The following PSTPIP2 variants were observed in gnomAD, a reference collection of about 807,000 sequenced individuals.
PSTPIP2 encodes proline-serine-threonine phosphatase-interacting protein 2.
A neutral mutation model predicts 63.3 loss-of-function variants in PSTPIP2; 33 were observed. The observed-to-expected ratio is 0.52, with a 90% CI of 0.40 to 0.70. The LOEUF is 0.70. PSTPIP2 is among the 30% of genes least tolerant of loss of function. The probability of loss-of-function intolerance (pLI) is 0.00; values close to 1 mark genes in which losing one functional copy is unlikely to be tolerated. For missense variants in PSTPIP2, 312 were observed against 400.7 expected, an observed-to-expected ratio of 0.78 and a Z score of 1.89; for synonymous variants, 125 against 132.7, an observed-to-expected ratio of 0.94 and a Z score of 0.40.
At chr18:46,008,201 A>G (rs2051752360) in intron 5 of PSTPIP2, among the ~76,000 whole-genome samples, 1 of 152,232 alleles carries the variant, frequency 6.6e-6, no homozygotes, top group Non-Finnish European at 1.5e-5. Flanking sequence ...CAAGAGAGGG[A>G]GAAAGGAAGA....
intron 2 of PSTPIP2, chr18:46,028,963 C>G (rs1051745157): frequency 1.8e-6 from 2 of 1,101,502 alleles, no homozygotes; most frequent in African/African-American, 3.1e-5. Flanking sequence ...TTCTGCTGCT[C>G]AGATCTCATC....
intron 4 of PSTPIP2, among the ~76,000 whole-genome samples, chr18:46,013,542 A>T (rs1268402820): frequency 1.3e-5 from 2 of 151,970 alleles, no homozygotes; most frequent in Non-Finnish European, 2.9e-5. Context: ...CTCACCCTGG[A>T]TCGCCCAACT....
In PSTPIP2 at chr18:45,985,472, A is replaced by G. The variant is rs199958472; in HGVS notation, c.*9-22T>C. On this transcript the variant is annotated intron_variant, in intron 14 of 14. Coordinates refer to ENST00000409746, the MANE Select transcript of PSTPIP2 (RefSeq NM_024430.4). ...GTTTCTGAAAGAAAATAACAAAGAA[A>G]TTTCCTCTGAATGAAAGGTGCTTGT... is the stretch of plus-strand genomic sequence containing the variant. 2,365 of 1,611,648 alleles carry G rather than the reference A, an allele frequency of 1.5e-3. 7 individuals are homozygous for G. The highest frequency in any genetic ancestry group is 1.9e-3 in the Non-Finnish European group (2,190 of 1,178,418).
At chr18:46,057,766 G>C (rs966929101) in intron 1 of PSTPIP2, among the ~76,000 whole-genome samples, 2 of 152,118 alleles carry the variant, frequency 1.3e-5, no homozygotes, top group African/African-American at 4.8e-5. Flanking sequence ...GGGAGGCCGA[G>C]GCAGGCGGAT....
At position 45,998,820 on chromosome 18, in the gene PSTPIP2, G is replaced by C; in HGVS notation, c.536C>G (p.Thr179Ser). Residue 179 changes from threonine to serine, a missense_variant, in exon 8 of 15, where the codon ACT becomes AGT. Coordinates refer to ENST00000409746, the MANE Select transcript of PSTPIP2 (RefSeq NM_024430.4). ...QQEKLFVKLA[T>S]SKTAVEDSDK... ...TGAGTCCTCTACTGCGGTCTTTGAA[G>C]TTGCCAGTTTCACAAAAAGCTGTGA... The C allele has an allele frequency of 6.2e-7, 1 of 1,613,866 alleles. No individual in the cohort carries two copies. Among genetic ancestry groups the C allele is most frequent in the Non-Finnish European group, 8.5e-7 (1 of 1,180,028 alleles).
At chr18:46,064,792 C>T (rs1239854307) in intron 1 of PSTPIP2, among the ~76,000 whole-genome samples, 1 of 151,998 alleles carries the variant, frequency 6.6e-6, no homozygotes, top group African/African-American at 2.4e-5. Flanking sequence ...GAAATAGATA[C>T]TTAAAGAATC....
At chr18:46,068,946 G>A (rs1909294468) in intron 1 of PSTPIP2, among the ~76,000 whole-genome samples, 1 of 152,152 alleles carries the variant, frequency 6.6e-6, no homozygotes, top group African/African-American at 2.4e-5. Context: ...CAATGAGCCA[G>A]TTCAGACAGC....
At chr18:46,061,236 G>A (rs990978344) in intron 1 of PSTPIP2, among the ~76,000 whole-genome samples, 12 of 151,748 alleles carry the variant, frequency 7.9e-5, no homozygotes, top group African/African-American at 1.7e-4. Flanking sequence ...CCTGGGAGGC[G>A]GAGGTTGCAC....
intron 4 of PSTPIP2, among the ~76,000 whole-genome samples, chr18:46,014,937 G>C (rs541786554): frequency 1.9e-4 from 29 of 152,262 alleles, no homozygotes; most frequent in African/African-American, 7.0e-4. Flanking sequence ...GGATGAGGAT[G>C]TTTTTCTAGG....
chr18:45,998,623 T>C (rs1390333421), intron 8 of PSTPIP2, among the ~76,000 whole-genome samples, 171 bp downstream of exon 8: 2 of 152,026 alleles, frequency 1.3e-5, no homozygotes, highest in African/African-American at 4.8e-5. Context: ...CTCCCTTCCT[T>C]ACTCTCTCCC....
rs1191882892 is a variant in PSTPIP2 at position 46,024,714 on chromosome 18, G to A, written c.135-28C>T. The A allele has an allele frequency of 5.7e-6, 9 of 1,565,560 alleles. No individual in the cohort carries two copies. In the Admixed American group the frequency reaches 1.5e-4, roughly 26 times the overall value. On this transcript the variant is annotated intron_variant, in intron 2 of 14. Coordinates refer to ENST00000409746, the MANE Select transcript of PSTPIP2 (RefSeq NM_024430.4). ...AGGGGAACAGAAGAGAGGGTTATGG[G>A]TCCTTCTCAGAGCTGACTCTTTGTT...
chr18:46,024,549 C>T lies in PSTPIP2; in HGVS notation c.212+60G>A, dbSNP rs191234221. 25 of 1,421,886 alleles carry T rather than the reference C, an allele frequency of 1.8e-5. No individual in the cohort carries two copies. In the African/African-American group the frequency reaches 1.8e-4, roughly 10 times the overall value. 88.1% of individuals were successfully genotyped at this position (1,421,886 alleles called of 1,614,324 possible). The stretch of plus-strand genomic sequence containing the variant: ...CTCCTGGTAACTCTGTCTGCTGAAG[C>T]GAGGGAGCTCCCAGGCATTATTAAC... On this transcript the variant is annotated intron_variant, in intron 3 of 14. Transcript: ENST00000409746.
intron 9 of PSTPIP2, among the ~76,000 whole-genome samples, chr18:45,996,603 G>A (rs970565885): frequency 1.3e-5 from 2 of 151,548 alleles, no homozygotes; most frequent in Non-Finnish European, 2.9e-5. Flanking sequence ...GAGCAGTGGT[G>A]AAATTGAAGG....
rs147728431 is a variant in PSTPIP2, at chr18:45,984,915, C to G, written c.*544G>C. 1 of 154,482 alleles carries G rather than the reference C, an allele frequency of 6.5e-6. No homozygotes were observed. Among genetic ancestry groups the G allele is most frequent in the African/African-American group, 2.4e-5 (1 of 41,582 alleles). 9.6% of individuals were successfully genotyped at this position (154,482 alleles called of 1,614,324 possible). ...TTCTGTCCCTCATCAGCTAGGAAAA[C>G]TGTAAGGAAATTAATTTCACACTTG... is the stretch of plus-strand genomic sequence containing the variant. On this transcript the variant is annotated 3_prime_UTR_variant, in exon 15 of 15. Transcript: ENST00000409746.
At chr18:46,045,998 A>G (rs1599738881) in intron 1 of PSTPIP2, among the ~76,000 whole-genome samples, 1 of 152,246 alleles carries the variant, frequency 6.6e-6, no homozygotes, top group African/African-American at 2.4e-5. Context: ...AACAGTATGT[A>G]CCTTTCTGAG....
chr18:46,057,002 G>T (rs966145808), intron 1 of PSTPIP2, among the ~76,000 whole-genome samples: 6 of 152,058 alleles, frequency 3.9e-5, no homozygotes, highest in Admixed American at 2.0e-4. Context: ...TACTTGGGAG[G>T]CTGAGGCAGG....
rs1455842855 is a variant in PSTPIP2 at position 45,984,255 on chromosome 18, T to C, written c.*1204A>G. The C allele has an allele frequency of 6.6e-6, 1 of 152,234 alleles. No individual in the cohort carries two copies. Among genetic ancestry groups the C allele is most frequent in the Non-Finnish European group, 1.5e-5 (1 of 68,046 alleles). 9.4% of individuals were successfully genotyped at this position (152,234 alleles called of 1,614,324 possible). On this transcript the variant is annotated 3_prime_UTR_variant, in exon 15 of 15. Coordinates refer to ENST00000409746, the MANE Select transcript of PSTPIP2 (RefSeq NM_024430.4). Reference sequence around the variant, plus strand: ...GCAGGAGAGGAAACTATTTGCTCTCTGTAATACTGAAAAACTGAGAGTGCT... The same window carrying C: ...GCAGGAGAGGAAACTATTTGCTCTCCGTAATACTGAAAAACTGAGAGTGCT...
intron 4 of PSTPIP2, among the ~76,000 whole-genome samples, chr18:46,013,261 G>A (rs1402084317): frequency 6.6e-6 from 1 of 152,176 alleles, no homozygotes; most frequent in Non-Finnish European, 1.5e-5. Context: ...TCTGAGAAAT[G>A]TATTCATTGA....
chr18:46,046,363 C>T (rs890015654), intron 1 of PSTPIP2, among the ~76,000 whole-genome samples: 2 of 152,334 alleles, frequency 1.3e-5, no homozygotes, highest in South Asian at 4.1e-4. Flanking sequence ...TAGTTCTGTG[C>T]TGCATCTCCA....
Sources: gnomAD v4.1 joint callset for allele counts (sites outside exome capture counted in the v4.1 genomes callset) on GRCh38, gnomAD v4.1.1 for gene constraint, MANE v1.5 for transcripts, NCBI Gene and HGNC (gene_info 2026-07-23, HGNC 2026-07-21) for gene names.